ZNF253: variants seen among roughly 807,000 people sequenced by gnomAD.
The protein encoded by ZNF253 is DNA-binding protein.
ZNF253 carries 8 observed loss-of-function variants against 11.9 expected under a neutral mutation model. The observed-to-expected ratio is 0.67, with a 90% CI of 0.40 to 1.22. The LOEUF is 1.22. Among genes scored for constraint, ZNF253 ranks in the 50% most tolerant of loss-of-function variants. The pLI is 0.01. For missense variants in ZNF253, 485 were observed against 586.9 expected, an observed-to-expected ratio of 0.83 and a Z score of 1.79; for synonymous variants, 194 against 194.9, an observed-to-expected ratio of 1.00 and a Z score of 0.04.
At chr19:19,874,693 C>T (rs1408039161) in intron 1 of ZNF253, among the ~76,000 whole-genome samples, 1 of 152,126 alleles carries the variant, frequency 6.6e-6, no homozygotes, top group South Asian at 2.1e-4. Context: ...AGGTGGATCA[C>T]GAGGTCAGGA....
rs199740088 is a variant in ZNF253 at position 19,874,908 on chromosome 19, TCAAA to T, written c.4-3556_4-3553del. Among the ~76,000 whole-genome samples the T allele has an allele frequency of 1.3e-4, 20 of 152,230 alleles. No individual in the cohort carries two copies. In the South Asian group the frequency reaches 1.7e-3, roughly 13 times the overall value. ...GCCTGGGCGACAGAGAGACTCCATC[TCAAA>T]CAAACAAACAAACAAATTACAGAAA... is the stretch of plus-strand genomic sequence containing the variant. On this transcript the variant is annotated intron_variant, in intron 1 of 3. Transcript: ENST00000589717.
chr19:19,884,930 G>C (rs886301481), intron 3 of ZNF253, among the ~76,000 whole-genome samples: 1 of 151,904 alleles, frequency 6.6e-6, no homozygotes, highest in Non-Finnish European at 1.5e-5. Context: ...TTCCAATTTT[G>C]TGTATTTTTT....
At chr19:19,879,159 G>A (rs2063167299) in intron 2 of ZNF253, among the ~76,000 whole-genome samples, 1 of 152,028 alleles carries the variant, frequency 6.6e-6, no homozygotes, top group Admixed American at 6.6e-5. Flanking sequence ...AGTAAGGTGG[G>A]ATATGTCAAA....
At chr19:19,885,322 C>CT (rs879354391) in intron 3 of ZNF253, among the ~76,000 whole-genome samples, 712 of 67,448 alleles carry the variant, frequency 0.011, 53 homozygotes, top group Non-Finnish European at 0.012. Flanking sequence ...TTCTTTCTTT[C>CT]TTTCTTTCTT....
chr19:19,875,232 A>T (rs1015092099), intron 1 of ZNF253, among the ~76,000 whole-genome samples: 45 of 152,088 alleles, frequency 3.0e-4, no homozygotes, highest in Admixed American at 2.9e-3. Flanking sequence ...TATGTATTAG[A>T]GGGTGTTAGT....
intron 1 of ZNF253, among the ~76,000 whole-genome samples, chr19:19,870,282 C>T (rs979613409): frequency 6.6e-6 from 1 of 151,236 alleles, no homozygotes; most frequent in African/African-American, 2.4e-5. Flanking sequence ...ATCCCAGCTA[C>T]TTGGCAGGCT....
rs1237913044 is a variant in ZNF253 at position 19,891,860 on chromosome 19, T to C, written c.613T>C (p.Cys205Arg). 2 of 1,614,216 alleles carry C rather than the reference T, an allele frequency of 1.2e-6. No homozygotes were observed. The highest frequency in any genetic ancestry group is 2.2e-5 in the East Asian group (1 of 44,876). ...AGAGAAACCTTACAGATGTGAAGAA[T>C]GTGGCAAAGCTTTTAACCAATCTGC... ...TGEKPYRCEE[C>R]GKAFNQSANL... Residue 205 changes from cysteine (C) to arginine (R), a missense_variant, in exon 4 of 4, where the codon TGT becomes CGT. Cys to Arg is a radical substitution (Grantham distance 180). Around this residue, in one of 3 missense-constraint regions of ZNF253, gnomAD observed 218 missense variants for 213.1 expected, o/e 1.02. Coordinates refer to ENST00000589717, the MANE Select transcript of ZNF253 (RefSeq NM_021047.3).
chr19:19,873,404 T>C (rs1415301375), intron 1 of ZNF253, among the ~76,000 whole-genome samples: 2 of 152,186 alleles, frequency 1.3e-5, no homozygotes, highest in Non-Finnish European at 2.9e-5. Flanking sequence ...TGGCTTATCA[T>C]TGGGCCATCA....
In ZNF253 at chr19:19,875,543, C is replaced by G. The variant is rs551139475; in HGVS notation, c.4-2938C>G. 9.7e-4 allele frequency among the ~76,000 whole-genome samples: 148 copies of G among 152,146 alleles called. 1 individual carries two copies. The highest frequency in any genetic ancestry group is 3.2e-3 in the African/African-American group (131 of 41,524). On this transcript the variant is annotated intron_variant, in intron 1 of 3. Transcript: ENST00000589717. ...CCCAAGTAGCTGGAACTACGGGCAC[C>G]CACCACCACGCCCGGCTAATTTTTT...
chr19:19,866,721 C>T (rs1249841564), intron 1 of ZNF253, among the ~76,000 whole-genome samples: 1 of 152,100 alleles, frequency 6.6e-6, no homozygotes, highest in Non-Finnish European at 1.5e-5. Context: ...TGGTTTTGAA[C>T]TCCCGAACTC....
Position 19,891,854 on chromosome 19 carries a change from G to C in ZNF253, c.607G>C (p.Glu203Gln). 6.2e-7 allele frequency: 1 copy of C among 1,614,088 alleles called. No individual in the cohort carries two copies. Among genetic ancestry groups the C allele is most frequent in the African/African-American group, 1.3e-5 (1 of 75,032 alleles). ...TACTGGAGAGAAACCTTACAGATGT[G>C]AAGAATGTGGCAAAGCTTTTAACCA... is the stretch of plus-strand genomic sequence containing the variant. ...IHTGEKPYRC[E>Q]ECGKAFNQSA... Residue 203 changes from glutamate (E) to glutamine (Q), a missense_variant, in exon 4 of 4, where the codon GAA becomes CAA. Glu to Gln is a conservative substitution (Grantham distance 29, BLOSUM62 2). Transcript: ENST00000589717.
At chr19:19,866,098 A>C in intron 1 of ZNF253, 99 bp downstream of exon 1, 1 of 1,524,402 alleles carries the variant, frequency 6.6e-7, no homozygotes, top group South Asian at 1.1e-5. Flanking sequence ...TCAGCTCCAC[A>C]ATCTGCCGCC....
At chr19:19,869,660 CTTTTTTTT>C (rs35926309) in intron 1 of ZNF253, among the ~76,000 whole-genome samples, 1 of 103,282 alleles carries the variant, frequency 9.7e-6, no homozygotes, top group East Asian at 3.3e-4. Context: ...CATGCCTGGC[CTTTTTTTT>C]TTTTTTTTTT....
At chr19:19,885,581 C>T (rs1192527976) in intron 3 of ZNF253, among the ~76,000 whole-genome samples, 3 of 151,476 alleles carry the variant, frequency 2.0e-5, no homozygotes, top group South Asian at 2.1e-4. Flanking sequence ...TTAATAGAGA[C>T]GGGGTTTCAC....
intron 1 of ZNF253, among the ~76,000 whole-genome samples, chr19:19,875,105 GC>G (rs2063149793): frequency 6.6e-6 from 1 of 152,086 alleles, no homozygotes; most frequent in Non-Finnish European, 1.5e-5. Flanking sequence ...CTGGAGTCTT[GC>G]CTCACAGAAC....
chr19:19,894,194 A>C lies in ZNF253; in HGVS notation c.*1447A>C, dbSNP rs544041754. 1 of 152,328 alleles carries C rather than the reference A, an allele frequency of 6.6e-6. No individual in the cohort carries two copies. Among genetic ancestry groups the C allele is most frequent in the Non-Finnish European group, 1.5e-5 (1 of 68,020 alleles). 9.4% of individuals were successfully genotyped at this position (152,328 alleles called of 1,614,324 possible). A position where few individuals can be genotyped will look rare whatever the true frequency, so the allele number is the denominator to read the frequency against. ...AATTATTTCTATATAATTTTTTAAA[A>C]AGTGGATTTTTGAAGCACTGTAATT... On this transcript the variant is annotated 3_prime_UTR_variant, in exon 4 of 4. Coordinates refer to ENST00000589717, the MANE Select transcript of ZNF253 (RefSeq NM_021047.3).
At chr19:19,873,470 A>T (rs1335208796) in intron 1 of ZNF253, among the ~76,000 whole-genome samples, 1 of 152,132 alleles carries the variant, frequency 6.6e-6, no homozygotes, top group Non-Finnish European at 1.5e-5. Context: ...GAGGTATTTG[A>T]GGATGTCCAG....
chr19:19,869,918 G>T (rs1303980466), intron 1 of ZNF253, among the ~76,000 whole-genome samples: 1 of 151,786 alleles, frequency 6.6e-6, no homozygotes, highest in African/African-American at 2.4e-5. Flanking sequence ...TGATGCACCT[G>T]CTTCAGCCTC....
At chr19:19,884,669 GC>G (rs1161767911) in intron 3 of ZNF253, among the ~76,000 whole-genome samples, 1 of 150,168 alleles carries the variant, frequency 6.7e-6, no homozygotes, top group Non-Finnish European at 1.5e-5. Flanking sequence ...ACTACACTTC[GC>G]CTGTGTTATG....
Sources: allele counts gnomAD v4.1 joint callset (sites outside exome capture counted in the v4.1 genomes callset), GRCh38; gene constraint gnomAD v4.1.1; regional missense constraint gnomAD v4.1.1; transcripts MANE v1.5; gene names NCBI Gene and HGNC (gene_info 2026-07-23, HGNC 2026-07-21).